ACAD11: variants seen among roughly 807,000 people sequenced by gnomAD.
ACAD11 encodes acyl-CoA dehydrogenase family member 11.
In ACAD11, 83 loss-of-function variants were observed where a neutral mutation model predicts 102.2. The ratio of observed to expected loss-of-function variants is 0.81; its 90% CI spans 0.68 to 0.97. ACAD11 has a LOEUF of 0.97. ACAD11 is among the 50% of genes least tolerant of loss of function. The pLI, the probability that ACAD11 is intolerant of heterozygous loss-of-function variation, is 0.00. For missense variants in ACAD11, 901 were observed against 951.7 expected (o/e 0.95, Z 0.70); for synonymous variants, 324 against 319.8 (o/e 1.01, Z -0.14).
intron 12 of ACAD11, 60 bp downstream of exon 12, chr3:132,605,038 C>T: frequency 7.7e-7 from 1 of 1,293,980 alleles, no homozygotes; most frequent in Non-Finnish European, 1.1e-6. Context: ...TTCTTCAGCT[C>T]ATCCATAATA....
chr3:132,617,019 T>C (rs527509490), intron 11 of ACAD11, among the ~76,000 whole-genome samples: 1 of 152,328 alleles, frequency 6.6e-6, no homozygotes, highest in South Asian at 2.1e-4. Context: ...CTGTCTCATA[T>C]ACCTCTTTCT....
chr3:132,648,948 G>C (rs549122651), intron 1 of ACAD11, among the ~76,000 whole-genome samples: 1 of 152,366 alleles, frequency 6.6e-6, no homozygotes, highest in South Asian at 2.1e-4. Flanking sequence ...ACAGAAACAT[G>C]TGTTGTATGG....
intron 5 of ACAD11, among the ~76,000 whole-genome samples, chr3:132,633,887 A>C (rs1301826533): frequency 6.6e-6 from 1 of 152,056 alleles, no homozygotes; most frequent in Non-Finnish European, 1.5e-5. Context: ...CCTTCCTTAC[A>C]CCTTATACAA....
At chr3:132,625,099 T>C (rs1290865873) in intron 9 of ACAD11, among the ~76,000 whole-genome samples, 2 of 152,180 alleles carry the variant, frequency 1.3e-5, no homozygotes, top group Non-Finnish European at 2.9e-5. Context: ...AATTCTTAAA[T>C]CAAACATCTT....
chr3:132,564,416 T>G (rs1465133310), intron 17 of ACAD11, among the ~76,000 whole-genome samples: 1 of 152,230 alleles, frequency 6.6e-6, no homozygotes, highest in Non-Finnish European at 1.5e-5. Context: ...TTCAGCAGCT[T>G]TTTAACTTTG....
chr3:132,653,339 C>T (rs546590055), intron 1 of ACAD11, among the ~76,000 whole-genome samples: 3 of 152,260 alleles, frequency 2.0e-5, no homozygotes, highest in South Asian at 2.1e-4. Flanking sequence ...TGAGAACTTC[C>T]ACAAGCTTAC....
In ACAD11 at chr3:132,631,375, T is replaced by C. The variant is rs752644163; in HGVS notation, c.807A>G (p.Pro269=). The C allele has an allele frequency of 6.5e-7, 1 of 1,528,742 alleles. No individual in the cohort carries two copies. Among genetic ancestry groups the C allele is most frequent in the Admixed American group, 1.9e-5 (1 of 52,484 alleles). The allele number at this position is 1,528,742 out of a possible 1,614,324, so 94.7% of individuals were successfully genotyped here. A position where few individuals can be genotyped will look rare whatever the true frequency, so the allele number is the denominator to read the frequency against. The change falls in exon 6 of 20, where the codon CCA becomes CCG. Residue 269 remains proline (P), a synonymous_variant. Transcript: ENST00000264990. ...CACTATAAGAACCTTGATTTATCATTGGAACTGTCCTTGGCCAAAAGTAGA... is the reference window on the plus strand; with the variant it reads ...CACTATAAGAACCTTGATTTATCATCGGAACTGTCCTTGGCCAAAAGTAGA... ...SLFYFWPRTV[P]MINQGSYSEN...
chr3:132,609,626 G>A (rs1939023779), intron 11 of ACAD11, among the ~76,000 whole-genome samples: 1 of 152,180 alleles, frequency 6.6e-6, no homozygotes, highest in Non-Finnish European at 1.5e-5. Flanking sequence ...GTCTGAAACT[G>A]AGGCAGTAAT....
chr3:132,594,058 C>A (rs1009978008), intron 13 of ACAD11, among the ~76,000 whole-genome samples: 4 of 152,118 alleles, frequency 2.6e-5, no homozygotes, highest in African/African-American at 9.7e-5. Context: ...AAAAGGCCAG[C>A]CAGTCAGCTA....
At chr3:132,577,364 C>G (rs1258931797) in intron 15 of ACAD11, among the ~76,000 whole-genome samples, 1 of 152,018 alleles carries the variant, frequency 6.6e-6, no homozygotes, top group South Asian at 2.1e-4. Flanking sequence ...ATATGGGGTT[C>G]CAAACAATTT....
chr3:132,603,359 A>G (rs1938698147), intron 12 of ACAD11, 32 bp from the exon 13 acceptor site: 1 of 1,577,254 alleles, frequency 6.3e-7, no homozygotes, highest in Admixed American at 1.7e-5. Flanking sequence ...ATTTACAGGC[A>G]GGCAGATATC....
intron 9 of ACAD11, 54 bp from the exon 10 acceptor site, chr3:132,619,599 C>T (rs1939535777): frequency 4.9e-6 from 5 of 1,023,806 alleles, no homozygotes; most frequent in Non-Finnish European, 7.2e-6. Context: ...ACAAAGTAAA[C>T]AATGTCATAA....
intron 13 of ACAD11, among the ~76,000 whole-genome samples, chr3:132,587,466 A>AT (rs1392116664): frequency 4.0e-5 from 6 of 151,874 alleles, no homozygotes; most frequent in Non-Finnish European, 7.4e-5. Flanking sequence ...CTACCTGGTT[A>AT]TTTTTTATGT....
chr3:132,572,620 A>G (rs1937412560), intron 17 of ACAD11, among the ~76,000 whole-genome samples: 1 of 152,250 alleles, frequency 6.6e-6, no homozygotes, highest in Non-Finnish European at 1.5e-5. Flanking sequence ...AGCTGGAGGC[A>G]TAATGTTACT....
At chr3:132,568,358 A>T (rs1937271657) in intron 17 of ACAD11, among the ~76,000 whole-genome samples, 1 of 152,344 alleles carries the variant, frequency 6.6e-6, no homozygotes, top group South Asian at 2.1e-4. Flanking sequence ...AAAACTACAC[A>T]CAGATGAGAT....
Sources: gnomAD v4.1 joint callset for allele counts (sites outside exome capture counted in the v4.1 genomes callset) on GRCh38, gnomAD v4.1.1 for gene constraint, MANE v1.5 for transcripts, NCBI Gene and HGNC (gene_info 2026-07-23, HGNC 2026-07-21) for gene names.